NOL4: variants seen among roughly 807,000 people sequenced by gnomAD.
The protein encoded by NOL4 is cancer/testis antigen 125.
NOL4 carries 17 observed loss-of-function variants against 75.9 expected under a neutral mutation model. That is an observed-to-expected ratio of 0.22 (90% CI 0.15 to 0.34). The LOEUF is 0.34. NOL4 is among the 10% of genes least tolerant of loss of function. NOL4 has a pLI of 1.00. For missense variants in NOL4, 614 were observed against 793.5 expected, an observed-to-expected ratio of 0.77 and a Z score of 2.72; for synonymous variants, 292 against 289.9, an observed-to-expected ratio of 1.01 and a Z score of -0.07.
Position 34,167,044 on chromosome 18 carries a change from CAAAAAAAAAAAAAAAAAA to C in NOL4, c.265-37042_265-37025del, listed in dbSNP as rs1174730527. 0.011 allele frequency among the ~76,000 whole-genome samples: 60 copies of C among 5,664 alleles called. 8 individuals carry two copies. In the South Asian group the frequency reaches 0.23, roughly 21 times the overall value. 3.7% of individuals were successfully genotyped at this position (5,664 alleles called of 152,430 possible). On this transcript the variant is annotated intron_variant, in intron 1 of 10. Transcript: ENST00000261592. The stretch of plus-strand genomic sequence containing the variant: ...TGGGCGACAGAGCGAGACTCCGTCT[CAAAAAAAAAAAAAAAAAA>C]AAAAAAAAAAAAAAAAAATAGTAAA...
Position 33,879,963 on chromosome 18 carries a change from G to T in NOL4, c.1723+3281C>A, listed in dbSNP as rs114002623. ...CTGTCAAATTCCACTCTAACTTTTT[G>T]CATTGAGCTAGTCATGATAGTACCT... On this transcript the variant is annotated intron_variant, in intron 10 of 10. Coordinates refer to ENST00000261592, the MANE Select transcript of NOL4 (RefSeq NM_003787.5). 5.5e-3 allele frequency among the ~76,000 whole-genome samples: 841 copies of T among 151,840 alleles called. 13 individuals are homozygous for T. The highest frequency in any genetic ancestry group is 0.019 in the African/African-American group (791 of 41,442).
At chr18:34,139,163 C>G (rs985144934) in intron 1 of NOL4, among the ~76,000 whole-genome samples, 13 of 152,118 alleles carry the variant, frequency 8.5e-5, no homozygotes, top group African/African-American at 3.1e-4. Context: ...CTCTGCCAGG[C>G]TTTGGTATCA....
intron 6 of NOL4, among the ~76,000 whole-genome samples, chr18:34,002,247 G>C (rs1249646554): frequency 6.6e-6 from 1 of 151,826 alleles, no homozygotes; most frequent in Non-Finnish European, 1.5e-5. Flanking sequence ...TACTTTTTCA[G>C]ACTCATTTTT....
At chr18:33,914,558 G>A (rs1181092523) in intron 9 of NOL4, among the ~76,000 whole-genome samples, 2 of 152,120 alleles carry the variant, frequency 1.3e-5, no homozygotes, top group African/African-American at 2.4e-5. Context: ...AAGAGCAAGA[G>A]GAAGAGGATG....
intron 10 of NOL4, among the ~76,000 whole-genome samples, chr18:33,855,650 GA>G (rs1162795628): frequency 6.6e-6 from 1 of 152,028 alleles, no homozygotes; most frequent in Non-Finnish European, 1.5e-5. Flanking sequence ...TGATCATTCT[GA>G]AAATATAAGA....
chr18:33,914,095 A>G (rs2066569281), intron 9 of NOL4, among the ~76,000 whole-genome samples: 1 of 152,134 alleles, frequency 6.6e-6, no homozygotes, highest in Non-Finnish European at 1.5e-5. Context: ...ATAGGACAGT[A>G]AATAGCACCA....
At chr18:34,214,080 T>C (rs2036702492) in intron 1 of NOL4, among the ~76,000 whole-genome samples, 1 of 152,146 alleles carries the variant, frequency 6.6e-6, no homozygotes, top group Non-Finnish European at 1.5e-5. Context: ...CCTCTACATA[T>C]AAAAATATTT....
At chr18:34,028,206 C>T (rs138701406) in intron 5 of NOL4, among the ~76,000 whole-genome samples, 96 of 152,252 alleles carry the variant, frequency 6.3e-4, no homozygotes, top group African/African-American at 2.2e-3. Flanking sequence ...ATAAGCATGG[C>T]CATCTATAAA....
chr18:34,175,154 G>A (rs947091582), intron 1 of NOL4, among the ~76,000 whole-genome samples: 28 of 152,052 alleles, frequency 1.8e-4, no homozygotes, highest in African/African-American at 6.5e-4. Context: ...ATACAGCCTG[G>A]TAGCCACCAG....
intron 5 of NOL4, among the ~76,000 whole-genome samples, chr18:34,078,285 A>C (rs1232742140): frequency 6.6e-6 from 1 of 152,150 alleles, no homozygotes; most frequent in African/African-American, 2.4e-5. Context: ...TTTTAGGGAG[A>C]CATAAATTGT....
chr18:34,185,824 G>A (rs2034420532), intron 1 of NOL4, among the ~76,000 whole-genome samples: 1 of 152,100 alleles, frequency 6.6e-6, no homozygotes, highest in Non-Finnish European at 1.5e-5. Context: ...CTTCACCAAA[G>A]AGATAAGAAT....
intron 9 of NOL4, among the ~76,000 whole-genome samples, chr18:33,940,831 G>A (rs1420336264): frequency 1.3e-5 from 2 of 151,942 alleles, no homozygotes; most frequent in Admixed American, 6.6e-5. Flanking sequence ...ATAAAAAGGA[G>A]AGAATATGGA....
chr18:34,181,528 T>G (rs1219385441), intron 1 of NOL4, among the ~76,000 whole-genome samples: 1 of 151,480 alleles, frequency 6.6e-6, no homozygotes, highest in Admixed American at 6.6e-5. Context: ...TTTTAAAATA[T>G]GACATATACA....
At chr18:34,074,205 C>T (rs1422635118) in intron 5 of NOL4, among the ~76,000 whole-genome samples, 2 of 150,896 alleles carry the variant, frequency 1.3e-5, no homozygotes, top group African/African-American at 2.4e-5. Context: ...TTGGATTTTT[C>T]AATATTCATA....
At chr18:33,887,815 A>G (rs1422682520) in intron 9 of NOL4, among the ~76,000 whole-genome samples, 1 of 152,082 alleles carries the variant, frequency 6.6e-6, no homozygotes, top group Non-Finnish European at 1.5e-5. Context: ...AATCCAGTCT[A>G]TCATTGATGG....
chr18:34,097,676 T>C (rs1307430710), intron 4 of NOL4, among the ~76,000 whole-genome samples: 1 of 152,224 alleles, frequency 6.6e-6, no homozygotes, highest in Non-Finnish European at 1.5e-5. Flanking sequence ...TACATTCACA[T>C]GTGACTAATG....
intron 9 of NOL4, among the ~76,000 whole-genome samples, chr18:33,891,631 C>T (rs947598629): frequency 2.6e-5 from 4 of 152,074 alleles, no homozygotes; most frequent in East Asian, 1.9e-4. Flanking sequence ...TCTACTTCTT[C>T]GTATTTGGAA....
chr18:33,931,476 A>T (rs1359999620), intron 9 of NOL4, among the ~76,000 whole-genome samples: 2 of 152,138 alleles, frequency 1.3e-5, no homozygotes, highest in African/African-American at 2.4e-5. Flanking sequence ...CATGCCTGTC[A>T]TCCTAGTACT....
intron 1 of NOL4, among the ~76,000 whole-genome samples, chr18:34,155,136 A>C (rs2030135042): frequency 6.6e-6 from 1 of 152,022 alleles, no homozygotes; most frequent in Admixed American, 6.6e-5. Context: ...AATCTGCCAC[A>C]AATACGTGAA....
Sources: gnomAD v4.1 joint callset for allele counts (sites outside exome capture counted in the v4.1 genomes callset) on GRCh38, gnomAD v4.1.1 for gene constraint, MANE v1.5 for transcripts, NCBI Gene and HGNC (gene_info 2026-07-23, HGNC 2026-07-21) for gene names.